Variants in CTNNA3 observed in about 807,000 individuals in gnomAD.
CTNNA3 encodes catenin alpha-3.
Under a neutral mutation model 95.7 loss-of-function variants are expected in CTNNA3, and 76 were observed. The observed-to-expected ratio is 0.79, with a 90% CI of 0.66 to 0.96. The LOEUF (loss-of-function observed/expected upper bound fraction) is 0.96. CTNNA3 is among the 40% of genes least tolerant of loss of function. The pLI, the probability that CTNNA3 is intolerant of heterozygous loss-of-function variation, is 0.00. For missense variants in CTNNA3, 1,191 were observed against 1,089.8 expected (o/e 1.09, Z -1.31); for synonymous variants, 431 against 374.4 (o/e 1.15, Z -1.74).
rs549253465 is a variant in CTNNA3, at chr10:66,947,520, C to T, written c.1048-171996G>A. ...CTGAGCCTGCCCTCTTTGTTTCCCCCACCCTCTCTCACTCTGTCTCCCTCT... is the reference window on the plus strand; with the variant it reads ...CTGAGCCTGCCCTCTTTGTTTCCCCTACCCTCTCTCACTCTGTCTCCCTCT... On this transcript the variant is annotated intron_variant, in intron 7 of 17. Coordinates refer to ENST00000433211, the MANE Select transcript of CTNNA3 (RefSeq NM_013266.4). 5.8e-4 allele frequency among the ~76,000 whole-genome samples: 88 copies of T among 152,116 alleles called. 1 individual carries two copies. Among genetic ancestry groups the T allele is most frequent in the African/African-American group, 2.0e-3 (82 of 41,504 alleles).
intron 3 of CTNNA3, among the ~76,000 whole-genome samples, chr10:67,591,491 T>TA (rs1406069130): frequency 1.3e-5 from 2 of 152,094 alleles, no homozygotes; most frequent in African/African-American, 2.4e-5. Flanking sequence ...AGCAGGAAAT[T>TA]ATAATTTGTA....
intron 15 of CTNNA3, among the ~76,000 whole-genome samples, chr10:66,047,329 A>C (rs1388515766): frequency 6.6e-6 from 1 of 152,224 alleles, no homozygotes; most frequent in Non-Finnish European, 1.5e-5. Flanking sequence ...TTCAACACAC[A>C]CAAATCAATA....
chr10:67,351,436 T>C (rs984300586), intron 5 of CTNNA3, among the ~76,000 whole-genome samples: 5 of 152,080 alleles, frequency 3.3e-5, no homozygotes, highest in Admixed American at 2.0e-4. Flanking sequence ...ATATTCTAAA[T>C]GTTATAAACC....
chr10:66,685,590 T>C (rs954746523), intron 9 of CTNNA3, among the ~76,000 whole-genome samples: 1 of 150,856 alleles, frequency 6.6e-6, no homozygotes, highest in Admixed American at 6.6e-5. Context: ...GCCAGGATGG[T>C]CTCGATCTCC....
chr10:67,424,587 T>C (rs934477681), intron 5 of CTNNA3, among the ~76,000 whole-genome samples: 4 of 152,124 alleles, frequency 2.6e-5, no homozygotes, highest in Non-Finnish European at 5.9e-5. Flanking sequence ...CAAGGTACCC[T>C]AGATAAATTT....
At chr10:67,139,428 C>T (rs1330029879) in intron 7 of CTNNA3, among the ~76,000 whole-genome samples, 4 of 147,302 alleles carry the variant, frequency 2.7e-5, no homozygotes, top group East Asian at 2.0e-4. Context: ...ACCACAGGCA[C>T]GAGCCACCAT....
chr10:66,387,708 A>G (rs1429579194), intron 11 of CTNNA3, among the ~76,000 whole-genome samples: 2 of 152,188 alleles, frequency 1.3e-5, no homozygotes, highest in Non-Finnish European at 2.9e-5. Flanking sequence ...ATGTCCAGCA[A>G]TGATAGACTG....
chr10:67,311,409 C>T lies in CTNNA3; in HGVS notation c.580-91539G>A, dbSNP rs181732000. On this transcript the variant is annotated intron_variant, in intron 5 of 17. Coordinates refer to ENST00000433211, the MANE Select transcript of CTNNA3 (RefSeq NM_013266.4). ...TAAACAAGAAAAATGGTATTAAAAC[C>T]AAATACCTGAAAAACTAATTGATAG... 6.6e-5 allele frequency among the ~76,000 whole-genome samples: 10 copies of T among 152,098 alleles called. No homozygotes were observed. In the East Asian group the frequency reaches 1.7e-3, roughly 26 times the overall value.
chr10:66,132,999 G>C (rs572035407), intron 13 of CTNNA3, among the ~76,000 whole-genome samples: 2 of 151,998 alleles, frequency 1.3e-5, no homozygotes, highest in East Asian at 3.9e-4. Flanking sequence ...AAACCCCCGT[G>C]ACACAGGTTT....
chr10:67,588,071 C>T (rs1842687584), intron 3 of CTNNA3, among the ~76,000 whole-genome samples: 1 of 151,958 alleles, frequency 6.6e-6, no homozygotes, highest in Non-Finnish European at 1.5e-5. Context: ...TATTTAATAT[C>T]TGTCTCCTTG....
intron 5 of CTNNA3, among the ~76,000 whole-genome samples, chr10:67,322,204 T>C (rs921835395): frequency 2.0e-5 from 3 of 152,280 alleles, no homozygotes; most frequent in African/African-American, 7.2e-5. Flanking sequence ...TGGAACACAC[T>C]TGTGTTTCTT....
chr10:67,126,124 A>C (rs958779103), intron 7 of CTNNA3, among the ~76,000 whole-genome samples: 3 of 152,242 alleles, frequency 2.0e-5, no homozygotes, highest in African/African-American at 7.2e-5. Flanking sequence ...AGAAATACTA[A>C]TTTTATTATG....
chr10:67,181,823 T>C (rs1043208035), intron 6 of CTNNA3, among the ~76,000 whole-genome samples: 59 of 151,992 alleles, frequency 3.9e-4, no homozygotes, highest in African/African-American at 1.3e-3. Flanking sequence ...GAAAAAGATA[T>C]AGTTTTAAAA....
rs982760197 is a variant in CTNNA3, at chr10:66,829,879, T to C, written c.1048-54355A>G. On this transcript the variant is annotated intron_variant, in intron 7 of 17. Transcript: ENST00000433211. ...TTTGTTGTTGTTGTTGTTGTTGTTG[T>C]TGTTGAGACGGAGTCTAGCTCTGTC... Among the ~76,000 whole-genome samples, 8 of 151,354 alleles carry C rather than the reference T, an allele frequency of 5.3e-5. No individual in the cohort carries two copies. In the South Asian group the frequency reaches 1.7e-3, roughly 32 times the overall value.
intron 1 of CTNNA3, among the ~76,000 whole-genome samples, chr10:67,702,696 C>G (rs1285588542): frequency 6.6e-6 from 1 of 152,100 alleles, no homozygotes; most frequent in Admixed American, 6.5e-5. Context: ...AATTGACAAC[C>G]TAACATCACA....
intron 13 of CTNNA3, among the ~76,000 whole-genome samples, chr10:66,203,230 G>A (rs539962946): frequency 4.6e-5 from 7 of 152,102 alleles, no homozygotes; most frequent in East Asian, 1.9e-4. Flanking sequence ...CATTAATGAC[G>A]TTAGATGAAT....
intron 5 of CTNNA3, among the ~76,000 whole-genome samples, chr10:67,386,212 T>C (rs748695074): frequency 2.0e-5 from 3 of 152,216 alleles, no homozygotes; most frequent in Non-Finnish European, 2.9e-5. Flanking sequence ...CTTCTAAAAA[T>C]ATGCAATAAG....
chr10:67,693,750 C>T (rs1160323956), intron 1 of CTNNA3, among the ~76,000 whole-genome samples: 1 of 152,194 alleles, frequency 6.6e-6, no homozygotes, highest in East Asian at 1.9e-4. Context: ...CCAGTAACCA[C>T]TTCCAATAAT....
chr10:67,657,027 A>G (rs1049598393), intron 1 of CTNNA3, among the ~76,000 whole-genome samples: 1 of 152,224 alleles, frequency 6.6e-6, no homozygotes. Flanking sequence ...ATGAGATAAA[A>G]TAATGGCTTA....
Sources: gnomAD v4.1 joint callset for allele counts (sites outside exome capture counted in the v4.1 genomes callset) on GRCh38, gnomAD v4.1.1 for gene constraint, MANE v1.5 for transcripts, NCBI Gene and HGNC (gene_info 2026-07-23, HGNC 2026-07-21) for gene names.